SYTL5: variants seen among roughly 807,000 people sequenced by gnomAD.
SYTL5 encodes the protein synaptotagmin like 5.
In SYTL5, 34 loss-of-function variants were observed where a neutral mutation model predicts 55.9. The ratio of observed to expected loss-of-function variants is 0.61; its 90% CI spans 0.46 to 0.81. The LOEUF (loss-of-function observed/expected upper bound fraction) is 0.81. Among genes scored for constraint, SYTL5 ranks in the 30% least tolerant of loss-of-function variants. The probability of loss-of-function intolerance (pLI) is 0.00; values close to 1 mark genes in which losing one functional copy is unlikely to be tolerated. For synonymous variants in SYTL5, 221 were observed against 188.7 expected (o/e 1.17, Z -1.40); for missense variants, 637 against 546.7 (o/e 1.17, Z -1.65).
the SYTL5 span, among the ~76,000 whole-genome samples, chrX:37,893,626 T>TTATATATAA: frequency 1.5e-5 from 1 of 67,064 alleles, no homozygotes; most frequent in African/African-American, 1.6e-4. Context: ...CTATATATAA[T>TTATATATAA]CTATATATAT....
chrX:38,125,222 C>T (rs1246190995), intron 15 of SYTL5, 76 bp from the exon 16 acceptor site: 2 of 864,530 alleles, frequency 2.3e-6, no homozygotes, highest in African/African-American at 4.0e-5. Flanking sequence ...ATCAAATAGA[C>T]ACATCACACT....
At chrX:37,907,316 C>T in the SYTL5 span, among the ~76,000 whole-genome samples, 5 of 111,546 alleles carry the variant, frequency 4.5e-5, no homozygotes, top group Non-Finnish European at 9.4e-5. Flanking sequence ...TTGATTAGTC[C>T]CCGATCTTTC....
chrX:37,926,199 G>C, the SYTL5 span, among the ~76,000 whole-genome samples: 1 of 111,273 alleles, frequency 9.0e-6, no homozygotes, highest in Non-Finnish European at 1.9e-5. Context: ...TACTGTTTTG[G>C]TTTTGATTTG....
the SYTL5 span, among the ~76,000 whole-genome samples, chrX:37,920,103 T>C: frequency 9.0e-6 from 1 of 111,589 alleles, no homozygotes; most frequent in Non-Finnish European, 1.9e-5. Context: ...GTTGCCAGGA[T>C]GCTATTTGGC....
chrX:37,893,850 T>A, the SYTL5 span, among the ~76,000 whole-genome samples: 3 of 92,833 alleles, frequency 3.2e-5, no homozygotes, highest in Non-Finnish European at 6.2e-5. Flanking sequence ...TAATTAAGTA[T>A]GTTAATCTTA....
chrX:38,045,921 C>T (rs1316560749), intron 2 of SYTL5, among the ~76,000 whole-genome samples: 4 of 111,885 alleles, frequency 3.6e-5, no homozygotes, highest in African/African-American at 6.5e-5. Context: ...AGAAGCTGGG[C>T]GGGCGGAAGA....
chrX:37,993,334 A>C, the SYTL5 span, among the ~76,000 whole-genome samples: 3 of 112,332 alleles, frequency 2.7e-5, no homozygotes, highest in East Asian at 8.4e-4. Context: ...ACAATGAACA[A>C]AGACTTATTT....
chrX:38,041,956 T>C (rs1378492584), intron 2 of SYTL5, among the ~76,000 whole-genome samples: 1 of 111,430 alleles, frequency 9.0e-6, no homozygotes, highest in African/African-American at 3.3e-5. Context: ...TAAGTATTTA[T>C]CTTTTCCTTA....
chrX:37,998,676 G>A, the SYTL5 span, among the ~76,000 whole-genome samples: 3 of 112,138 alleles, frequency 2.7e-5, no homozygotes, highest in African/African-American at 6.5e-5. Context: ...AGCCTGCCAG[G>A]CTGAGTGGGC....
the SYTL5 span, among the ~76,000 whole-genome samples, chrX:37,980,487 A>C: frequency 8.9e-6 from 1 of 112,567 alleles, no homozygotes; most frequent in African/African-American, 3.2e-5. Context: ...AATCTCTAGA[A>C]ATGATCCTAA....
chrX:38,076,618 CA>C lies in SYTL5; in HGVS notation c.610del (p.Thr204LeufsTer11). 8.3e-7 allele frequency: 1 copy of C among 1,208,723 alleles called. No homozygotes were observed. Among genetic ancestry groups the C allele is most frequent in the Non-Finnish European group, 1.1e-6 (1 of 893,233 alleles). On this transcript the variant is annotated frameshift_variant, in exon 6 of 17. Coordinates refer to ENST00000297875, the MANE Select transcript of SYTL5 (RefSeq NM_138780.3). LOFTEE classifies it high-confidence loss of function. ...SATRGEIITP[K>X]TDTGRSYSLD... ...CAACCAGAGGAGAAATCATAACTCC[CA>C]AAACTGACACTGGGCGGAGCTATAG... is the stretch of plus-strand genomic sequence containing the variant.
At chrX:38,072,499 A>G (rs1936293130) in intron 4 of SYTL5, among the ~76,000 whole-genome samples, 1 of 112,814 alleles carries the variant, frequency 8.9e-6, no homozygotes, top group Non-Finnish European at 1.9e-5. Flanking sequence ...AATGATTCAC[A>G]TTGTGAAAGC....
At chrX:37,930,668 G>A in the SYTL5 span, among the ~76,000 whole-genome samples, 2 of 111,969 alleles carry the variant, frequency 1.8e-5, no homozygotes, top group African/African-American at 6.5e-5. Context: ...GATTAATTTC[G>A]CACAAAATGC....
the SYTL5 span, among the ~76,000 whole-genome samples, chrX:37,974,773 A>G: frequency 1.8e-5 from 2 of 112,421 alleles, no homozygotes; most frequent in East Asian, 5.5e-4. Flanking sequence ...AATCCAGATA[A>G]CAGATTGTTG....
intron 7 of SYTL5, among the ~76,000 whole-genome samples, chrX:38,090,506 C>T (rs1936775251): frequency 1.8e-5 from 2 of 111,785 alleles, no homozygotes; most frequent in African/African-American, 3.2e-5. Flanking sequence ...AATGAATTAG[C>T]ATTTGTGAGA....
intron 2 of SYTL5, among the ~76,000 whole-genome samples, chrX:38,035,145 C>G (rs1935065989): frequency 8.9e-6 from 1 of 112,422 alleles, no homozygotes; most frequent in Non-Finnish European, 1.9e-5. Context: ...AGATATTCAA[C>G]TAATCTTGAA....
Position 38,046,928 on chromosome X carries a change from C to T in SYTL5, c.120-7285C>T, listed in dbSNP as rs568100036. ...CCAGGGGGGCAGTCAAATCTTAAAG[C>T]TCCAAAATGATCTCCTTTCACTCCA... On this transcript the variant is annotated intron_variant, in intron 2 of 16. Coordinates refer to ENST00000297875, the MANE Select transcript of SYTL5 (RefSeq NM_138780.3). 1.1e-4 allele frequency among the ~76,000 whole-genome samples: 12 copies of T among 112,097 alleles called. 1 individual carries two copies. In the South Asian group the frequency reaches 4.1e-3, roughly 39 times the overall value.
chrX:38,022,313 G>A (rs1393946040), intron 1 of SYTL5, among the ~76,000 whole-genome samples: 1 of 112,183 alleles, frequency 8.9e-6, no homozygotes, highest in Non-Finnish European at 1.9e-5. Flanking sequence ...GTTTCCAATT[G>A]CTGCTGTAGC....
In SYTL5 at chrX:38,076,865, C is replaced by A. The variant is rs763856748; in HGVS notation, c.689+164C>A. 2.8e-3 allele frequency among the ~76,000 whole-genome samples: 313 copies of A among 111,845 alleles called. 1 individual carries two copies. The highest frequency in any genetic ancestry group is 9.7e-3 in the African/African-American group (299 of 30,791). ...TATTTTTTAGTTGATATGGAAAGCA[C>A]GTACCCTACTTCTAGAATTACAGCT... On this transcript the variant is annotated intron_variant, in intron 6 of 16. Transcript: ENST00000297875.
Sources: gnomAD v4.1 joint callset for allele counts (sites outside exome capture counted in the v4.1 genomes callset) on GRCh38, gnomAD v4.1.1 for gene constraint, MANE v1.5 for transcripts, NCBI Gene and HGNC (gene_info 2026-07-23, HGNC 2026-07-21) for gene names.